The following TRAF3IP3 variants were observed in gnomAD, a reference collection of about 807,000 sequenced individuals.
TRAF3IP3 encodes TRAF3 interacting protein 3, also known as TRAF3-interacting JNK-activating modulator.
Under a neutral mutation model 86.5 loss-of-function variants are expected in TRAF3IP3, and 64 were observed. That is an observed-to-expected ratio of 0.74 (90% CI 0.60 to 0.91). TRAF3IP3 has a LOEUF of 0.91. Ranked by LOEUF, TRAF3IP3 falls within the 40% of genes least tolerant of loss-of-function variation. The pLI is 0.00. For synonymous variants in TRAF3IP3, 220 were observed against 243.9 expected (o/e 0.90, Z 0.91); for missense variants, 579 against 642.9 (o/e 0.90, Z 1.07).
chr1:209,778,273 A>G (rs957266509), intron 13 of TRAF3IP3, 100 bp downstream of exon 13: 15 of 897,212 alleles, frequency 1.7e-5, no homozygotes, highest in Non-Finnish European at 2.3e-5. Context: ...AGTCTTTGGC[A>G]TATGCTCTAA....
At chr1:209,763,436 A>T in intron 7 of TRAF3IP3, 44 bp downstream of exon 7, 2 of 1,613,118 alleles carry the variant, frequency 1.2e-6, no homozygotes, top group African/African-American at 1.3e-5. Context: ...CCATCCACTT[A>T]CCCCCGATCC....
At chr1:209,764,858 G>A (rs1042823336) in intron 8 of TRAF3IP3, among the ~76,000 whole-genome samples, 21 of 151,668 alleles carry the variant, frequency 1.4e-4, no homozygotes, top group Non-Finnish European at 2.8e-4. Context: ...TATAAGAAAT[G>A]TTTATATTTA....
chr1:209,765,915 C>T (rs1181007028), intron 8 of TRAF3IP3, among the ~76,000 whole-genome samples: 1 of 152,168 alleles, frequency 6.6e-6, no homozygotes, highest in African/African-American at 2.4e-5. Flanking sequence ...CCCAAGTTTC[C>T]TCAGAATCCC....
At chr1:209,779,630 T>C (rs1208528254) in intron 14 of TRAF3IP3, 6 of 610,138 alleles carry the variant, frequency 9.8e-6, no homozygotes, top group Admixed American at 9.1e-5. Flanking sequence ...GTGTTGAACA[T>C]TTCAATAAAT....
chr1:209,780,622 G>C lies in TRAF3IP3; in HGVS notation c.1449+16G>C. The stretch of plus-strand genomic sequence containing the variant: ...GGAAAAGGAGGTGAGAGGGTGACCT[G>C]AGATAGTGAGGGCTCATTTGCGAAA... On this transcript the variant is annotated intron_variant, in intron 15 of 16. Coordinates refer to ENST00000367025, the MANE Select transcript of TRAF3IP3 (RefSeq NM_025228.4). 1 of 1,545,648 alleles carries C rather than the reference G, an allele frequency of 6.5e-7. No homozygotes were observed. The highest frequency in any genetic ancestry group is 8.8e-7 in the Non-Finnish European group (1 of 1,141,030).
chr1:209,778,923 C>T, intron 13 of TRAF3IP3: 1 of 226,714 alleles, frequency 4.4e-6, no homozygotes, highest in Non-Finnish European at 8.8e-6. Flanking sequence ...TTGTTTCCTT[C>T]TGAGGGCGTT....
In TRAF3IP3 at chr1:209,777,242, A is replaced by C. The variant is rs1381906772; in HGVS notation, c.1054-110A>C. On this transcript the variant is annotated intron_variant, in intron 11 of 16. Coordinates refer to ENST00000367025, the MANE Select transcript of TRAF3IP3 (RefSeq NM_025228.4). The stretch of plus-strand genomic sequence containing the variant: ...TTCTCATCTCCCTAACATTCCTTCT[A>C]TCTCTAAAATTCCAGACTTTTCTAC... 9 of 916,454 alleles carry C rather than the reference A, an allele frequency of 9.8e-6. No homozygotes were observed. The African/African-American group carries it at 1.0e-4, about 10-fold the overall frequency. 56.8% of individuals were successfully genotyped at this position (916,454 alleles called of 1,614,324 possible).
chr1:209,762,604 G>A lies in TRAF3IP3; in HGVS notation c.435G>A (p.Gln145=), dbSNP rs780890761. The change falls in exon 4 of 17, where the codon CAG becomes CAA. Residue 145 remains glutamine (Q), a synonymous_variant. Coordinates refer to ENST00000367025, the MANE Select transcript of TRAF3IP3 (RefSeq NM_025228.4). The stretch of plus-strand genomic sequence containing the variant: ...ATCTGTCTGACCACCTCTCCTCACA[G>A]GCTGGGGGCCTTCCTCCACAGGACA... ...CRDLSDHLSS[Q]AGGLPPQDTP... 9.9e-6 allele frequency: 15 copies of A among 1,520,140 alleles called. 2 individuals are homozygous for A. The South Asian group carries it at 2.0e-4, about 21-fold the overall frequency. The allele number at this position is 1,520,140 out of a possible 1,614,324, so 94.2% of individuals were successfully genotyped here.
chr1:209,779,408 T>G, intron 14 of TRAF3IP3, 34 bp downstream of exon 14: 1 of 1,587,114 alleles, frequency 6.3e-7, no homozygotes. Context: ...TTCTAAGATA[T>G]TGCTCTTCTC....
chr1:209,764,984 G>A (rs372333482), intron 8 of TRAF3IP3, among the ~76,000 whole-genome samples: 28 of 152,150 alleles, frequency 1.8e-4, no homozygotes, highest in African/African-American at 2.7e-4. Flanking sequence ...AGACCAGCCC[G>A]GCCAACATGG....
intron 9 of TRAF3IP3, among the ~76,000 whole-genome samples, 200 bp downstream of exon 9, chr1:209,773,219 C>G (rs532789014): frequency 6.6e-6 from 1 of 152,312 alleles, no homozygotes; most frequent in Admixed American, 6.5e-5. Context: ...CTTCCTCTCC[C>G]TTTCTCCCAG....
chr1:209,770,911 TGCAG>T (rs2077479788), intron 8 of TRAF3IP3, among the ~76,000 whole-genome samples: 1 of 138,440 alleles, frequency 7.2e-6, no homozygotes, highest in African/African-American at 2.8e-5. Context: ...GGTGTGCGTG[TGCAG>T]GTGAAGGTGT....
At chr1:209,776,635 A>G (rs956693231) in intron 11 of TRAF3IP3, 4 of 121,376 alleles carry the variant, frequency 3.3e-5, no homozygotes, top group African/African-American at 9.2e-5. Context: ...ATCTTTGTGG[A>G]AAAAAAAAGA....
intron 1 of TRAF3IP3, among the ~76,000 whole-genome samples, chr1:209,757,459 C>A (rs943254705): frequency 1.3e-5 from 2 of 152,218 alleles, no homozygotes; most frequent in African/African-American, 2.4e-5. Flanking sequence ...CACAGGCAGA[C>A]CCCATCTCTT....
rs912954027 is a variant in TRAF3IP3 at position 209,763,345 on chromosome 1, C to T, written c.577-18C>T. 1.6e-5 allele frequency: 26 copies of T among 1,612,566 alleles called. No individual in the cohort carries two copies. Among genetic ancestry groups the T allele is most frequent in the Non-Finnish European group, 2.2e-5 (26 of 1,179,718 alleles). ...GGGACTTACAGACATTTTGAATACC[C>T]TTGTTCTTTCTCTCCAGGAAATCAT... On this transcript the variant is annotated intron_variant, in intron 6 of 16. Transcript: ENST00000367025.
At chr1:209,776,520 G>T (rs930974068) in intron 11 of TRAF3IP3, 1 of 152,092 alleles carries the variant, frequency 6.6e-6, no homozygotes, top group African/African-American at 2.4e-5. Context: ...AACCCAGCTG[G>T]TCACTCTGCG....
chr1:209,781,799 A>G, intron 16 of TRAF3IP3: 1 of 519,120 alleles, frequency 1.9e-6, no homozygotes, highest in Admixed American at 3.4e-5. Context: ...TTGCTGGGTT[A>G]TTTTCCACCC....
At chr1:209,770,277 C>T (rs766241961) in intron 8 of TRAF3IP3, among the ~76,000 whole-genome samples, 1 of 152,168 alleles carries the variant, frequency 6.6e-6, no homozygotes, top group Non-Finnish European at 1.5e-5. Context: ...AAGTTCTCAT[C>T]TTGAGTCTAG....
intron 2 of TRAF3IP3, among the ~76,000 whole-genome samples, chr1:209,759,670 C>T (rs2077210820): frequency 6.6e-6 from 1 of 152,212 alleles, no homozygotes; most frequent in Non-Finnish European, 1.5e-5. Context: ...AATTATTTCT[C>T]ATGTTCCCCT....
Sources: allele counts gnomAD v4.1 joint callset (sites outside exome capture counted in the v4.1 genomes callset), GRCh38; gene constraint gnomAD v4.1.1; transcripts MANE v1.5; gene names NCBI Gene and HGNC (gene_info 2026-07-23, HGNC 2026-07-21).